The following FBXO11 variants were observed in gnomAD, a reference collection of about 807,000 sequenced individuals.
FBXO11 encodes the protein F-box protein 11.
In FBXO11, 13 loss-of-function variants were observed where a neutral mutation model predicts 117.0. The ratio of observed to expected loss-of-function variants is 0.11; its 90% CI spans 0.07 to 0.18. The LOEUF (loss-of-function observed/expected upper bound fraction) is 0.18. Ranked by LOEUF, FBXO11 falls within the 10% of genes least tolerant of loss-of-function variation. FBXO11 has a pLI of 1.00. For synonymous variants in FBXO11, 490 were observed against 380.5 expected (o/e 1.29, Z -3.35); for missense variants, 767 against 1,164.4 (o/e 0.66, Z 4.97).
chr2:47,812,064 A>G (rs1558403386), intron 18 of FBXO11, among the ~76,000 whole-genome samples: 1 of 152,094 alleles, frequency 6.6e-6, no homozygotes, highest in African/African-American at 2.4e-5. Flanking sequence ...CTACACCTCA[A>G]GTGCTATTGC....
In FBXO11 at chr2:47,834,943, G is replaced by A. The variant is rs796801072; in HGVS notation, c.718-72C>T. ...CTTATATTTAAATTAATGTACAATT[G>A]CATGAACAACTTTTATTACAAATCA... On this transcript the variant is annotated intron_variant, in intron 5 of 22. Transcript: ENST00000403359. 7 of 1,023,994 alleles carry A rather than the reference G, an allele frequency of 6.8e-6. No individual in the cohort carries two copies. In the Admixed American group the frequency reaches 7.3e-5, roughly 11 times the overall value. 63.4% of individuals were successfully genotyped at this position (1,023,994 alleles called of 1,614,324 possible). A position where few individuals can be genotyped will look rare whatever the true frequency, so the allele number is the denominator to read the frequency against.
rs936712326 is a variant in FBXO11 at position 47,852,477 on chromosome 2, T to C, written c.233-12708A>G. 3.9e-5 allele frequency among the ~76,000 whole-genome samples: 6 copies of C among 152,208 alleles called. No homozygotes were observed. The South Asian group carries it at 1.0e-3, about 26-fold the overall frequency. ...ACCCGACAAGAAAGGTATTAATTTG[T>C]TCTACTGACAGGCAGTTCAGGCCAT... is the stretch of plus-strand genomic sequence containing the variant. On this transcript the variant is annotated intron_variant, in intron 1 of 22. Transcript: ENST00000403359.
At chr2:47,840,119 A>G (rs1672903766) in intron 1 of FBXO11, among the ~76,000 whole-genome samples, 1 of 151,258 alleles carries the variant, frequency 6.6e-6, no homozygotes, top group Non-Finnish European at 1.5e-5. Flanking sequence ...AATTTTTTGT[A>G]TTTTTAGTAA....
rs527498381 is a variant in FBXO11, at chr2:47,834,374, G to C, written c.934+205C>G. 4.0e-5 allele frequency among the ~76,000 whole-genome samples: 6 copies of C among 151,846 alleles called. 1 individual carries two copies. Among genetic ancestry groups the C allele is most frequent in the Admixed American group, 2.0e-4 (3 of 15,220 alleles). ...CAAAAAAACAAAAAAGGTTGGGGGG[G>C]GCGGGGAGAAAGAATTTATATACAG... On this transcript the variant is annotated intron_variant, in intron 7 of 22. Transcript: ENST00000403359.
At chr2:47,879,934 T>A (rs535538596) in intron 1 of FBXO11, among the ~76,000 whole-genome samples, 1 of 152,290 alleles carries the variant, frequency 6.6e-6, no homozygotes, top group African/African-American at 2.4e-5. Context: ...CAACAAAATT[T>A]CCTTTCTAAA....
intron 1 of FBXO11, among the ~76,000 whole-genome samples, chr2:47,883,267 G>C (rs1676569612): frequency 6.6e-6 from 1 of 152,112 alleles, no homozygotes; most frequent in Non-Finnish European, 1.5e-5. Context: ...AGATTCCTGG[G>C]AGTGGGAAAG....
At chr2:47,841,477 A>C (rs757816478) in intron 1 of FBXO11, among the ~76,000 whole-genome samples, 1 of 152,188 alleles carries the variant, frequency 6.6e-6, no homozygotes, top group Non-Finnish European at 1.5e-5. Context: ...CACTACCTAT[A>C]AAGTCTGGCC....
chr2:47,854,126 C>T (rs1674089861), intron 1 of FBXO11, among the ~76,000 whole-genome samples: 1 of 152,162 alleles, frequency 6.6e-6, no homozygotes, highest in Non-Finnish European at 1.5e-5. Flanking sequence ...AGTATGTTCA[C>T]TTAGAAAATT....
chr2:47,830,509 C>A (rs1163948397), intron 11 of FBXO11, among the ~76,000 whole-genome samples: 2 of 151,844 alleles, frequency 1.3e-5, no homozygotes, highest in Non-Finnish European at 1.5e-5. Context: ...TAAATATAGA[C>A]CAATAACTGT....
chr2:47,848,139 C>CA (rs764954805), intron 1 of FBXO11, among the ~76,000 whole-genome samples: 147 of 142,180 alleles, frequency 1.0e-3, no homozygotes, highest in East Asian at 1.8e-3. Context: ...AACAAACAAA[C>CA]AAACAAAAAA....
chr2:47,817,054 T>C (rs1671055008), intron 16 of FBXO11, among the ~76,000 whole-genome samples: 2 of 152,194 alleles, frequency 1.3e-5, no homozygotes, highest in African/African-American at 4.8e-5. Flanking sequence ...TCTTCCAATA[T>C]AAAACTATTG....
chr2:47,826,771 T>C (rs139368854), intron 11 of FBXO11, among the ~76,000 whole-genome samples: 4 of 152,284 alleles, frequency 2.6e-5, no homozygotes, highest in African/African-American at 9.6e-5. Context: ...CTCTTCTTTT[T>C]ATTTATTTTT....
intron 1 of FBXO11, among the ~76,000 whole-genome samples, chr2:47,854,889 A>C (rs1674160425): frequency 6.6e-6 from 1 of 151,262 alleles, no homozygotes; most frequent in African/African-American, 2.4e-5. Context: ...GAAAAATTTC[A>C]ATTACTGTTG....
chr2:47,843,716 C>T (rs546817918), intron 1 of FBXO11, among the ~76,000 whole-genome samples: 1 of 151,332 alleles, frequency 6.6e-6, no homozygotes, highest in East Asian at 1.9e-4. Context: ...TTATGGATTA[C>T]ATTTTAGATT....
chr2:47,843,642 G>A (rs1309289181), intron 1 of FBXO11, among the ~76,000 whole-genome samples: 4 of 151,906 alleles, frequency 2.6e-5, no homozygotes, highest in African/African-American at 9.7e-5. Context: ...TGGTCTATCA[G>A]CTTTCTGTTT....
At chr2:47,858,167 G>A (rs1383724348) in intron 1 of FBXO11, among the ~76,000 whole-genome samples, 9 of 151,750 alleles carry the variant, frequency 5.9e-5, no homozygotes, top group Non-Finnish European at 5.9e-5. Context: ...GTGCAGTGGC[G>A]TGATCTCAGT....
intron 1 of FBXO11, among the ~76,000 whole-genome samples, chr2:47,898,860 T>C (rs895734088): frequency 7.2e-5 from 11 of 152,150 alleles, no homozygotes; most frequent in Non-Finnish European, 2.9e-5. Context: ...ATAGAAAGAT[T>C]AGGTGATATA....
Position 47,905,647 on chromosome 2 carries a change from TG to T in FBXO11, c.73del (p.Gln25SerfsTer141). 6.9e-7 allele frequency: 1 copy of T among 1,456,656 alleles called. No homozygotes were observed. The highest frequency in any genetic ancestry group is 9.1e-7 in the Non-Finnish European group (1 of 1,102,772). The allele number at this position is 1,456,656 out of a possible 1,614,324, so 90.2% of individuals were successfully genotyped here. A position where few individuals can be genotyped will look rare whatever the true frequency, so the allele number is the denominator to read the frequency against. ...SRPRPVQQQQ[Q>X]QPPQQPPPQP... ...CGGCGGCGGCTGCTGCGGGGGCTGC[TG>T]CTGCTGTTGCTGCACCGGGCGCGGC... On this transcript the variant is annotated frameshift_variant, in exon 1 of 23. Coordinates refer to ENST00000403359, the MANE Select transcript of FBXO11 (RefSeq NM_001190274.2). LOFTEE classifies it high-confidence loss of function.
chr2:47,825,605 G>C (rs2104755930), intron 11 of FBXO11, among the ~76,000 whole-genome samples: 1 of 136,604 alleles, frequency 7.3e-6, no homozygotes, highest in South Asian at 2.3e-4. Flanking sequence ...TTAGAGACAG[G>C]CTCTCACTCT....
Sources: gnomAD v4.1 joint callset for allele counts (sites outside exome capture counted in the v4.1 genomes callset) on GRCh38, gnomAD v4.1.1 for gene constraint, MANE v1.5 for transcripts, NCBI Gene and HGNC (gene_info 2026-07-23, HGNC 2026-07-21) for gene names.